Variants in ASAP1 observed in about 807,000 individuals in gnomAD.
The protein encoded by ASAP1 is arf-GAP with SH3 domain, ANK repeat and PH domain-containing protein 1.
In ASAP1, 43 loss-of-function variants were observed where a neutral mutation model predicts 145.2. The observed-to-expected ratio is 0.30, with a 90% CI of 0.23 to 0.38. ASAP1 has a LOEUF of 0.38. Among genes scored for constraint, ASAP1 ranks in the 10% least tolerant of loss-of-function variants. ASAP1 has a pLI of 1.00. For synonymous variants in ASAP1, 546 were observed against 515.5 expected, an observed-to-expected ratio of 1.06 and a Z score of -0.80; for missense variants, 1,018 against 1,355.3, an observed-to-expected ratio of 0.75 and a Z score of 3.91.
intron 25 of ASAP1, among the ~76,000 whole-genome samples, chr8:130,090,227 T>A (rs945539717): frequency 3.0e-4 from 45 of 152,098 alleles, no homozygotes; most frequent in African/African-American, 1.0e-3. Context: ...AATGTTCGAG[T>A]CTATACAATG....
At chr8:130,181,981 G>A (rs946990996) in intron 7 of ASAP1, among the ~76,000 whole-genome samples, 5 of 152,160 alleles carry the variant, frequency 3.3e-5, no homozygotes, top group Admixed American at 1.3e-4. Context: ...AAAATCCACC[G>A]ATCAAGCCAA....
chr8:130,194,473 G>GTA (rs1815347326), intron 5 of ASAP1, among the ~76,000 whole-genome samples: 1 of 152,156 alleles, frequency 6.6e-6, no homozygotes, highest in South Asian at 2.1e-4. Flanking sequence ...CGAAGATGGA[G>GTA]TATATGACTT....
At chr8:130,300,633 G>A (rs998449361) in intron 3 of ASAP1, among the ~76,000 whole-genome samples, 1 of 152,176 alleles carries the variant, frequency 6.6e-6, no homozygotes, top group Non-Finnish European at 1.5e-5. Context: ...CATTTCTTAG[G>A]CTAATAGTTC....
At chr8:130,113,090 C>T (rs1050659137) in intron 23 of ASAP1, among the ~76,000 whole-genome samples, 13 of 152,198 alleles carry the variant, frequency 8.5e-5, no homozygotes, top group African/African-American at 2.9e-4. Context: ...ACACTGCAGC[C>T]AGAGCTGGTG....
intron 24 of ASAP1, among the ~76,000 whole-genome samples, chr8:130,099,342 C>T (rs1331173412): frequency 1.3e-5 from 2 of 152,008 alleles, no homozygotes; most frequent in Non-Finnish European, 2.9e-5. Context: ...CCACGCCTGG[C>T]TAATTTTTTT....
intron 9 of ASAP1, 28 bp downstream of exon 9, chr8:130,179,236 A>C: frequency 1.4e-6 from 2 of 1,454,068 alleles, no homozygotes; most frequent in Non-Finnish European, 1.9e-6. Context: ...AATTGGGCTA[A>C]TAACAATGCT....
At chr8:130,142,881 G>C (rs748991238) in intron 13 of ASAP1, among the ~76,000 whole-genome samples, 3 of 151,872 alleles carry the variant, frequency 2.0e-5, no homozygotes, top group African/African-American at 7.3e-5. Flanking sequence ...GTGGGGTGGT[G>C]GGGGGGCAGT....
rs1410010835 is a variant in ASAP1, at chr8:130,128,086, T to A, written c.1222A>T (p.Ile408Leu). The stretch of plus-strand genomic sequence containing the variant: ...TCTTTGCTATTTGTCAATACTGATA[T>A]CCATCTGTTGGTAAAAACATAAGAG... The part of the protein sequence containing the change: ...AEDEQDYVAW[I>L]SVLTNSKEEA... Residue 408 changes from isoleucine to leucine, a missense_variant, in exon 16 of 30, where the codon ATA becomes TTA. Coordinates refer to ENST00000518721, the MANE Select transcript of ASAP1 (RefSeq NM_018482.4). 6.6e-7 allele frequency: 1 copy of A among 1,511,256 alleles called. No individual in the cohort carries two copies. The allele number at this position is 1,511,256 out of a possible 1,614,324, so 93.6% of individuals were successfully genotyped here.
intron 1 of ASAP1, among the ~76,000 whole-genome samples, chr8:130,428,433 TCAC>T (rs370574684): frequency 2.5e-4 from 1 of 3,966 alleles, no homozygotes; most frequent in Non-Finnish European, 6.7e-4. Flanking sequence ...ATCATCATCA[TCAC>T]CACCACCACC....
intron 4 of ASAP1, among the ~76,000 whole-genome samples, chr8:130,222,226 T>C (rs757629114): frequency 1.4e-4 from 21 of 152,082 alleles, no homozygotes; most frequent in Non-Finnish European, 2.6e-4. Context: ...AATTATTAAA[T>C]AGGTCTCTCC....
chr8:130,374,754 G>A (rs946192109), intron 2 of ASAP1, among the ~76,000 whole-genome samples: 1 of 152,326 alleles, frequency 6.6e-6, no homozygotes, highest in African/African-American at 2.4e-5. Context: ...GCTTCCACAG[G>A]AGGTGCCCAA....
chr8:130,278,580 T>C (rs1469994520), intron 3 of ASAP1, among the ~76,000 whole-genome samples: 2 of 152,196 alleles, frequency 1.3e-5, no homozygotes, highest in African/African-American at 2.4e-5. Flanking sequence ...CTTTCTCTTT[T>C]TTTCCTTGAT....
At chr8:130,117,337 A>C (rs1213182944) in intron 20 of ASAP1, among the ~76,000 whole-genome samples, 1 of 152,246 alleles carries the variant, frequency 6.6e-6, no homozygotes, top group East Asian at 1.9e-4. Flanking sequence ...CTTGCTTTCA[A>C]GATTTTCAAG....
intron 5 of ASAP1, among the ~76,000 whole-genome samples, chr8:130,194,007 A>C (rs944611912): frequency 6.6e-6 from 1 of 152,152 alleles, no homozygotes; most frequent in African/African-American, 2.4e-5. Flanking sequence ...GTAACTTTTT[A>C]ATGTCATCAT....
intron 1 of ASAP1, among the ~76,000 whole-genome samples, chr8:130,421,705 C>A (rs763520362): frequency 2.6e-5 from 4 of 152,190 alleles, no homozygotes; most frequent in Non-Finnish European, 5.9e-5. Context: ...TAGAAATACA[C>A]ATTTTGGGCT....
chr8:130,280,594 T>C (rs1821191352), intron 3 of ASAP1, among the ~76,000 whole-genome samples: 1 of 152,216 alleles, frequency 6.6e-6, no homozygotes, highest in South Asian at 2.1e-4. Flanking sequence ...CTTTGAGCTG[T>C]AGCATTATCC....
At chr8:130,314,143 C>T (rs1244105228) in intron 3 of ASAP1, among the ~76,000 whole-genome samples, 1 of 152,210 alleles carries the variant, frequency 6.6e-6, no homozygotes, top group Non-Finnish European at 1.5e-5. Context: ...AAGGCTCTCA[C>T]TTGGGGTCAA....
At chr8:130,109,160 C>T (rs1362623531) in intron 24 of ASAP1, among the ~76,000 whole-genome samples, 3 of 151,822 alleles carry the variant, frequency 2.0e-5, no homozygotes, top group Admixed American at 6.5e-5. Context: ...CTACCACACA[C>T]AAATTAATTT....
intron 2 of ASAP1, among the ~76,000 whole-genome samples, chr8:130,396,061 A>C (rs1329009866): frequency 6.6e-6 from 1 of 152,116 alleles, no homozygotes; most frequent in Non-Finnish European, 1.5e-5. Flanking sequence ...AGCTCCATCA[A>C]AGCAGAAGCT....
Sources: allele counts gnomAD v4.1 joint callset (sites outside exome capture counted in the v4.1 genomes callset), GRCh38; gene constraint gnomAD v4.1.1; transcripts MANE v1.5; gene names NCBI Gene and HGNC (gene_info 2026-07-23, HGNC 2026-07-21).